The following RAP1A variants were observed in gnomAD, a reference collection of about 807,000 sequenced individuals.
RAP1A encodes the protein ras-related protein Rap-1A.
A neutral mutation model predicts 26.4 loss-of-function variants in RAP1A; 6 were observed. The ratio of observed to expected loss-of-function variants is 0.23; its 90% CI spans 0.12 to 0.45. The LOEUF (loss-of-function observed/expected upper bound fraction) is 0.45. RAP1A is among the 20% of genes least tolerant of loss of function. RAP1A has a pLI of 0.99. For synonymous variants in RAP1A, 73 were observed against 79.4 expected, an observed-to-expected ratio of 0.92 and a Z score of 0.43; for missense variants, 121 against 217.2, an observed-to-expected ratio of 0.56 and a Z score of 2.78.
chr1:111,656,165 A>G (rs1475573285), intron 1 of RAP1A, among the ~76,000 whole-genome samples: 5 of 152,096 alleles, frequency 3.3e-5, no homozygotes, highest in Admixed American at 2.6e-4. Context: ...ATTTATTGCA[A>G]TATCTGTTAA....
intron 1 of RAP1A, among the ~76,000 whole-genome samples, chr1:111,690,461 G>C (rs2101242831): frequency 6.6e-6 from 1 of 152,334 alleles, no homozygotes; most frequent in South Asian, 2.1e-4. Flanking sequence ...AGCTCTGCTT[G>C]AGTTCTTTCT....
chr1:111,686,466 G>GT (rs1179381499), intron 1 of RAP1A: 1 of 151,692 alleles, frequency 6.6e-6, no homozygotes, highest in Non-Finnish European at 1.5e-5. Flanking sequence ...GTGCCCAGGA[G>GT]TTTGAGACTA....
intron 1 of RAP1A, chr1:111,648,932 G>T (rs762147538): frequency 2.8e-6 from 2 of 716,624 alleles, no homozygotes; most frequent in Admixed American, 1.8e-5. Context: ...CCCCTTTATG[G>T]TTCTTCTTCA....
intron 1 of RAP1A, among the ~76,000 whole-genome samples, chr1:111,656,574 T>C (rs1183625287): frequency 6.6e-6 from 1 of 152,182 alleles, no homozygotes; most frequent in Non-Finnish European, 1.5e-5. Flanking sequence ...TACACTGAAA[T>C]TGGTTTATCC....
intron 1 of RAP1A, among the ~76,000 whole-genome samples, chr1:111,671,078 A>G (rs1298654706): frequency 6.6e-6 from 1 of 152,222 alleles, no homozygotes; most frequent in Non-Finnish European, 1.5e-5. Context: ...ACAGTAGAAT[A>G]TGTGTTCCCT....
chr1:111,692,108 T>A (rs1313239635), intron 2 of RAP1A, among the ~76,000 whole-genome samples: 1 of 152,134 alleles, frequency 6.6e-6, no homozygotes, highest in Non-Finnish European at 1.5e-5. Flanking sequence ...AAAAGAGAAG[T>A]AAATGTTTGA....
At chr1:111,703,591 G>T in intron 5 of RAP1A, 115 bp downstream of exon 5, 1 of 1,026,070 alleles carries the variant, frequency 9.7e-7, no homozygotes, top group East Asian at 2.8e-5. Context: ...ATGCCTGAAA[G>T]AGCCCCTGTG....
Position 111,706,701 on chromosome 1 carries a change from C to CT in RAP1A, c.468+2216dup, listed in dbSNP as rs980873570. On this transcript the variant is annotated intron_variant, in intron 6 of 7. Coordinates refer to ENST00000369709, the MANE Select transcript of RAP1A (RefSeq NM_002884.4). Reference sequence around the variant, plus strand: ...TCAGAGAGATGAGGAAGAACCTAGGCTGGGGCCTTTCAGCATTTCTAACCA... The same window carrying CT: ...TCAGAGAGATGAGGAAGAACCTAGGCTTGGGGCCTTTCAGCATTTCTAACCA... 2.3e-4 allele frequency: 228 copies of CT among 984,972 alleles called. No individual in the cohort carries two copies. The South Asian group carries it at 3.0e-3, about 13-fold the overall frequency. 61.0% of individuals were successfully genotyped at this position (984,972 alleles called of 1,614,324 possible). A position where few individuals can be genotyped will look rare whatever the true frequency, so the allele number is the denominator to read the frequency against.
chr1:111,629,667 T>C (rs1022460032), intron 1 of RAP1A, among the ~76,000 whole-genome samples: 1 of 152,196 alleles, frequency 6.6e-6, no homozygotes, highest in Non-Finnish European at 1.5e-5. Flanking sequence ...CTTGAAAATA[T>C]TTTTAAATTA....
chr1:111,613,454 C>T (rs1658961918), intron 1 of RAP1A, among the ~76,000 whole-genome samples: 1 of 152,218 alleles, frequency 6.6e-6, no homozygotes, highest in African/African-American at 2.4e-5. Flanking sequence ...CCACCTTGGC[C>T]TCCCAAAGTG....
At chr1:111,709,968 C>G (rs896099299) in intron 7 of RAP1A, among the ~76,000 whole-genome samples, 2 of 152,088 alleles carry the variant, frequency 1.3e-5, no homozygotes, top group African/African-American at 4.8e-5. Flanking sequence ...TGTCTTTGTG[C>G]ACATGTACAT....
At chr1:111,646,420 T>TAAAAAAA (rs34766711) in intron 1 of RAP1A, among the ~76,000 whole-genome samples, 2 of 107,032 alleles carry the variant, frequency 1.9e-5, no homozygotes, top group Non-Finnish European at 1.9e-5. Context: ...TTCCTTTTTG[T>TAAAAAAA]AAAAAAAAAA....
upstream of RAP1A, among the ~76,000 whole-genome samples, chr1:111,618,041 C>CA (rs56862044): frequency 0.01 from 1,491 of 144,154 alleles, 8 homozygotes; most frequent in Non-Finnish European, 0.016. Flanking sequence ...GACTCCGCCT[C>CA]AAAAAAAAAA....
At chr1:111,570,388 G>A (rs920393479) in intron 1 of RAP1A, among the ~76,000 whole-genome samples, 2 of 152,118 alleles carry the variant, frequency 1.3e-5, no homozygotes, top group African/African-American at 4.8e-5. Context: ...GTTTGAACCC[G>A]CAGTTGATTG....
intron 7 of RAP1A, among the ~76,000 whole-genome samples, chr1:111,710,855 C>T (rs891808354): frequency 3.9e-5 from 6 of 152,028 alleles, no homozygotes; most frequent in Admixed American, 6.6e-5. Flanking sequence ...TTTTTTGAGA[C>T]GGAGTCTCGC....
At chr1:111,596,833 A>G (rs1658572372) in intron 1 of RAP1A, among the ~76,000 whole-genome samples, 1 of 152,230 alleles carries the variant, frequency 6.6e-6, no homozygotes. Flanking sequence ...TACCCTTATA[A>G]CCTAATCACC....
chr1:111,643,155 C>A (rs1350360825), intron 1 of RAP1A, among the ~76,000 whole-genome samples: 3 of 152,118 alleles, frequency 2.0e-5, no homozygotes, highest in African/African-American at 7.2e-5. Flanking sequence ...TTCAACTCTG[C>A]TGTTATAGGG....
intron 1 of RAP1A, among the ~76,000 whole-genome samples, chr1:111,545,325 T>C (rs1263381751): frequency 6.6e-6 from 1 of 152,136 alleles, no homozygotes; most frequent in African/African-American, 2.4e-5. Context: ...CTGGTGGATG[T>C]GAAGTGGTAT....
At chr1:111,623,670 G>C (rs1659295155) in intron 1 of RAP1A, among the ~76,000 whole-genome samples, 1 of 152,146 alleles carries the variant, frequency 6.6e-6, no homozygotes, top group South Asian at 2.1e-4. Context: ...CAGCCTCCCA[G>C]AATGCTGGAC....
Sources: allele counts gnomAD v4.1 joint callset (sites outside exome capture counted in the v4.1 genomes callset), GRCh38; gene constraint gnomAD v4.1.1; transcripts MANE v1.5; gene names NCBI Gene and HGNC (gene_info 2026-07-23, HGNC 2026-07-21).